TAFA5: variants seen among roughly 807,000 people sequenced by gnomAD.
The protein encoded by TAFA5 is chemokine-like protein TAFA-5.
A neutral mutation model predicts 15.3 loss-of-function variants in TAFA5; 6 were observed. The observed-to-expected ratio is 0.39, with a 90% CI of 0.21 to 0.77. The LOEUF (loss-of-function observed/expected upper bound fraction) is 0.77. Ranked by LOEUF, TAFA5 falls within the 30% of genes least tolerant of loss-of-function variation. The probability of loss-of-function intolerance (pLI) is 0.41; values close to 1 mark genes in which losing one functional copy is unlikely to be tolerated. For synonymous variants in TAFA5, 103 were observed against 80.7 expected, an observed-to-expected ratio of 1.28 and a Z score of -1.48; for missense variants, 161 against 193.1, an observed-to-expected ratio of 0.83 and a Z score of 0.98.
intron 1 of TAFA5, among the ~76,000 whole-genome samples, chr22:48,636,914 G>A (rs553817454): frequency 1.1e-4 from 16 of 152,308 alleles, no homozygotes; most frequent in African/African-American, 2.4e-4. Flanking sequence ...CGGGACAGGC[G>A]CGGGGCCCTG....
intron 1 of TAFA5, among the ~76,000 whole-genome samples, chr22:48,516,622 G>A (rs1921417143): frequency 1.3e-5 from 2 of 152,258 alleles, no homozygotes; most frequent in South Asian, 4.1e-4. Flanking sequence ...TGCACAGGAC[G>A]TCTCTACTGG....
At chr22:48,591,420 C>T (rs370738195) in intron 1 of TAFA5, among the ~76,000 whole-genome samples, 2 of 152,250 alleles carry the variant, frequency 1.3e-5, no homozygotes, top group African/African-American at 4.8e-5. Flanking sequence ...CACCCCCGTG[C>T]GTCTGACCCC....
intron 1 of TAFA5, among the ~76,000 whole-genome samples, chr22:48,499,985 A>G (rs185787183): frequency 1.3e-5 from 2 of 151,980 alleles, no homozygotes; most frequent in African/African-American, 4.8e-5. Context: ...GTATCCTCAG[A>G]CTCCATGTGT....
intron 2 of TAFA5, among the ~76,000 whole-genome samples, chr22:48,676,282 T>C (rs920255604): frequency 1.1e-4 from 17 of 152,134 alleles, no homozygotes; most frequent in Non-Finnish European, 2.2e-4. Context: ...AATTTGGGAG[T>C]GGCCACAGGT....
chr22:48,563,558 A>G (rs915774834), intron 1 of TAFA5, among the ~76,000 whole-genome samples: 1 of 152,210 alleles, frequency 6.6e-6, no homozygotes, highest in African/African-American at 2.4e-5. Flanking sequence ...TGCATCTGCC[A>G]TCTGAGAAGG....
At chr22:48,633,947 G>A (rs1307001613) in intron 1 of TAFA5, among the ~76,000 whole-genome samples, 2 of 152,136 alleles carry the variant, frequency 1.3e-5, no homozygotes, top group Middle Eastern at 3.2e-3. Context: ...GGGCCTGGGC[G>A]AGGCCCCCAC....
At chr22:48,678,972 C>G (rs1297197869) in intron 2 of TAFA5, among the ~76,000 whole-genome samples, 2 of 145,448 alleles carry the variant, frequency 1.4e-5, no homozygotes, top group East Asian at 2.0e-4. Context: ...TCTCCCGTCT[C>G]CCCGTCCATC....
At chr22:48,656,504 C>CA (rs916948134) in intron 2 of TAFA5, among the ~76,000 whole-genome samples, 38 of 137,782 alleles carry the variant, frequency 2.8e-4, no homozygotes, top group East Asian at 6.4e-4. Context: ...GACTCCATCT[C>CA]AAAAAAAAAA....
rs1446795321 is a variant in TAFA5 at position 48,598,609 on chromosome 22, A to G, written c.113-47988A>G. On this transcript the variant is annotated intron_variant, in intron 1 of 3. Transcript: ENST00000402357. The surrounding 1 kb of genome is among the most constrained non-coding windows in gnomAD (Gnocchi z 4.0). Reference sequence around the variant, plus strand: ...CACCGGCTGACCTGGTTTCACTCACACTTCTGACACCAAATGTGTCAGTTT... The same window carrying G: ...CACCGGCTGACCTGGTTTCACTCACGCTTCTGACACCAAATGTGTCAGTTT... Among the ~76,000 whole-genome samples, 1 of 152,158 alleles carries G rather than the reference A, an allele frequency of 6.6e-6. No individual in the cohort carries two copies. The highest frequency in any genetic ancestry group is 2.4e-5 in the African/African-American group (1 of 41,418).
At chr22:48,686,768 A>G (rs1248015606) in intron 2 of TAFA5, among the ~76,000 whole-genome samples, 1 of 150,798 alleles carries the variant, frequency 6.6e-6, no homozygotes, top group Non-Finnish European at 1.5e-5. Flanking sequence ...TGGGTAGGGG[A>G]TGGATGGATG....
intron 1 of TAFA5, among the ~76,000 whole-genome samples, chr22:48,645,589 G>A (rs779295640): frequency 6.6e-6 from 1 of 151,992 alleles, no homozygotes; most frequent in Admixed American, 6.5e-5. Flanking sequence ...TGCCCCCGGG[G>A]TCCTTCCTGC....
chr22:48,547,399 A>G (rs1268210722), intron 1 of TAFA5: 2 of 152,240 alleles, frequency 1.3e-5, no homozygotes, highest in African/African-American at 4.8e-5. Flanking sequence ...GCCTTTCCCC[A>G]GGTGTTTGCA....
intron 1 of TAFA5, among the ~76,000 whole-genome samples, chr22:48,571,589 T>TG (rs1312977261): frequency 7.1e-6 from 1 of 141,804 alleles, no homozygotes; most frequent in Admixed American, 7.1e-5. Flanking sequence ...TTTTTTTTTT[T>TG]TTTTTTTTTT....
In TAFA5 at chr22:48,630,642, G is replaced by A. The variant is rs112237192; in HGVS notation, c.113-15955G>A. Among the ~76,000 whole-genome samples the A allele has an allele frequency of 2.4e-3, 367 of 152,278 alleles. 3 individuals are homozygous for A. Among genetic ancestry groups the A allele is most frequent in the African/African-American group, 8.1e-3 (338 of 41,552 alleles). On this transcript the variant is annotated intron_variant, in intron 1 of 3. Coordinates refer to ENST00000402357, the MANE Select transcript of TAFA5 (RefSeq NM_001082967.3). ...GATGGAAGTCTGTGCAGTGAGTGCC[G>A]CTTCCAGAACAATGACAGCGTCCAC...
rs16999800 is a variant in TAFA5 at position 48,719,396 on chromosome 22, A to G, written c.390+11552A>G. On this transcript the variant is annotated intron_variant, in intron 3 of 3. Transcript: ENST00000402357. The stretch of plus-strand genomic sequence containing the variant: ...GTGTGATCAGATGGCGTTCATGGAG[A>G]CTGACTCAGGGAACTGGAGGGAGAG... Among the ~76,000 whole-genome samples the G allele has an allele frequency of 9.7e-3, 1,476 of 152,244 alleles. 26 individuals carry two copies. The highest frequency in any genetic ancestry group is 0.032 in the African/African-American group (1,343 of 41,540).
rs1310728294 is a variant in TAFA5, at chr22:48,490,521, C to T, written c.112+817C>T. 1.3e-5 allele frequency among the ~76,000 whole-genome samples: 2 copies of T among 151,856 alleles called. No individual in the cohort carries two copies. Among genetic ancestry groups the T allele is most frequent in the Non-Finnish European group, 2.9e-5 (2 of 67,946 alleles). On this transcript the variant is annotated intron_variant, in intron 1 of 3. Transcript: ENST00000402357. This position sits in a 1 kb window ranked among gnomAD's most constrained non-coding sequence, Gnocchi z 5.8. The stretch of plus-strand genomic sequence containing the variant: ...GGTGGAATGAGGGGTGGTTGGAGTC[C>T]CGGGTGCAGACTCCAGCCTCGGCGC...
At chr22:48,588,340 G>T (rs1365825072) in intron 1 of TAFA5, among the ~76,000 whole-genome samples, 1 of 152,230 alleles carries the variant, frequency 6.6e-6, no homozygotes, top group East Asian at 1.9e-4. Flanking sequence ...AGGGCAGAAA[G>T]TGCAGTCTCG....
At chr22:48,637,465 A>G (rs1926491444) in intron 1 of TAFA5, among the ~76,000 whole-genome samples, 1 of 152,200 alleles carries the variant, frequency 6.6e-6, no homozygotes, top group Non-Finnish European at 1.5e-5. Flanking sequence ...GCCTCGGTCC[A>G]CACTGGCTGG....
chr22:48,719,814 AT>A (rs1484143952), intron 3 of TAFA5, among the ~76,000 whole-genome samples: 4 of 152,316 alleles, frequency 2.6e-5, no homozygotes, highest in African/African-American at 9.6e-5. Context: ...ATTTTAATAG[AT>A]TCTGTGTGTA....
Sources: gnomAD v4.1 joint callset for allele counts (sites outside exome capture counted in the v4.1 genomes callset) on GRCh38, gnomAD v4.1.1 for gene constraint, Gnocchi (gnomAD v3.1) non-coding constraint, MANE v1.5 for transcripts, NCBI Gene and HGNC (gene_info 2026-07-23, HGNC 2026-07-21) for gene names.